Variants in ASAP1 observed in about 807,000 individuals in gnomAD.
ASAP1 encodes the protein arf-GAP with SH3 domain, ANK repeat and PH domain-containing protein 1.
ASAP1 carries 43 observed loss-of-function variants against 145.2 expected under a neutral mutation model. That is an observed-to-expected ratio of 0.30 (90% CI 0.23 to 0.38). The LOEUF is 0.38. ASAP1 is among the 10% of genes least tolerant of loss of function. The probability of loss-of-function intolerance (pLI) is 1.00; values close to 1 mark genes in which losing one functional copy is unlikely to be tolerated. For synonymous variants in ASAP1, 546 were observed against 515.5 expected (o/e 1.06, Z -0.80); for missense variants, 1,018 against 1,355.3 (o/e 0.75, Z 3.91).
intron 13 of ASAP1, among the ~76,000 whole-genome samples, chr8:130,150,026 A>T (rs1013587097): frequency 2.6e-5 from 4 of 152,240 alleles, no homozygotes; most frequent in African/African-American, 9.6e-5. Context: ...CAGTATTGTC[A>T]GCAACATCCA....
At chr8:130,083,763 C>T (rs1320536469) in intron 25 of ASAP1, 3 of 152,106 alleles carry the variant, frequency 2.0e-5, no homozygotes, top group African/African-American at 7.2e-5. Context: ...GAATGGACCC[C>T]ACCTTCTATG....
Position 130,112,248 on chromosome 8 carries a change from G to T in ASAP1, c.2247C>A (p.Asp749Glu). 6.2e-7 allele frequency: 1 copy of T among 1,614,228 alleles called. No individual in the cohort carries two copies. The part of the protein sequence containing the change: ...FCHSSSISPQ[D>E]KLALPGFSTP... ...TGCTGAATCCTGGCAGTGCCAGCTT[G>T]TCCTGGGGGGAGATGCTGGAGGAGT... Residue 749 changes from aspartate to glutamate, a missense_variant, in exon 24 of 30, where the codon GAC becomes GAA. Physicochemically the swap from Asp to Glu is conservative, Grantham distance 45. Coordinates refer to ENST00000518721, the MANE Select transcript of ASAP1 (RefSeq NM_018482.4).
intron 7 of ASAP1, among the ~76,000 whole-genome samples, chr8:130,184,590 G>C (rs1375986794): frequency 2.0e-5 from 3 of 152,184 alleles, no homozygotes; most frequent in Non-Finnish European, 4.4e-5. Context: ...TGCTACAAAG[G>C]GTACCTGGTC....
intron 3 of ASAP1, among the ~76,000 whole-genome samples, chr8:130,324,295 T>C (rs1824195121): frequency 6.6e-6 from 1 of 152,098 alleles, no homozygotes; most frequent in Non-Finnish European, 1.5e-5. Flanking sequence ...CAAAATGAAA[T>C]GAGAAGGTAA....
intron 3 of ASAP1, among the ~76,000 whole-genome samples, chr8:130,244,778 C>T (rs77272999): frequency 0.018 from 2,782 of 152,194 alleles, 42 homozygotes; most frequent in Middle Eastern, 0.044. Context: ...CCCCTGTGGG[C>T]CAGGTGCTGT....
chr8:130,187,155 A>C, intron 7 of ASAP1, 81 bp downstream of exon 7: 1 of 1,234,848 alleles, frequency 8.1e-7, no homozygotes, highest in Non-Finnish European at 1.1e-6. Context: ...TCCTTTTTCC[A>C]GTTAAGTTTT....
At chr8:130,402,070 A>C in intron 1 of ASAP1, 100 bp from the exon 2 acceptor site, 1 of 723,330 alleles carries the variant, frequency 1.4e-6, no homozygotes, top group African/African-American at 1.8e-5. Context: ...TGGAGGCTGC[A>C]CCTTTGTCAG....
At chr8:130,433,999 C>T (rs1177416992) in intron 1 of ASAP1, among the ~76,000 whole-genome samples, 1 of 152,144 alleles carries the variant, frequency 6.6e-6, no homozygotes, top group Non-Finnish European at 1.5e-5. Flanking sequence ...GTATTGAACA[C>T]AGATCGCCTT....
intron 2 of ASAP1, among the ~76,000 whole-genome samples, chr8:130,371,129 T>C (rs977828643): frequency 6.6e-6 from 1 of 152,234 alleles, no homozygotes; most frequent in Non-Finnish European, 1.5e-5. Context: ...AGAATGACGA[T>C]GATTTAGTAT....
At chr8:130,171,371 G>A (rs1269049948) in intron 9 of ASAP1, among the ~76,000 whole-genome samples, 1 of 152,148 alleles carries the variant, frequency 6.6e-6, no homozygotes, top group Non-Finnish European at 1.5e-5. Flanking sequence ...AGTTCCACAT[G>A]GCTAGGGAGA....
chr8:130,060,603 T>C lies in ASAP1; in HGVS notation c.3168A>G (p.Val1056=). The C allele has an allele frequency of 6.2e-7, 1 of 1,613,484 alleles. No individual in the cohort carries two copies. The highest frequency in any genetic ancestry group is 8.5e-7 in the Non-Finnish European group (1 of 1,179,694). The change falls in exon 28 of 30, where the codon GTA becomes GTG. Residue 1056 remains valine, a synonymous_variant. Coordinates refer to ENST00000518721, the MANE Select transcript of ASAP1 (RefSeq NM_018482.4). ...DLTPTLPETP[V]PLPRKINTGK... ...CCGTATTGATTTTTCTGGGCAGTGG[T>C]ACGGGCGTCTCTGGCAGAGTAGGCG...
chr8:130,094,827 A>C (rs2097513824), intron 24 of ASAP1, among the ~76,000 whole-genome samples: 1 of 152,234 alleles, frequency 6.6e-6, no homozygotes, highest in Admixed American at 6.5e-5. Flanking sequence ...AAATAAATGG[A>C]TAATAGATAA....
At chr8:130,173,780 A>T (rs1025114654) in intron 9 of ASAP1, among the ~76,000 whole-genome samples, 1 of 151,544 alleles carries the variant, frequency 6.6e-6, no homozygotes, top group African/African-American at 2.4e-5. Flanking sequence ...AAAGAAAAAA[A>T]AAAATAAAAA....
chr8:130,057,912 T>C (rs1592706457), intron 29 of ASAP1, 42 bp downstream of exon 29: 1 of 1,606,432 alleles, frequency 6.2e-7, no homozygotes, highest in East Asian at 2.2e-5. Context: ...CCAGGCATGC[T>C]GTATGAATGT....
At chr8:130,058,725 T>G (rs1405705545) in intron 28 of ASAP1, among the ~76,000 whole-genome samples, 2 of 152,226 alleles carry the variant, frequency 1.3e-5, no homozygotes, top group Admixed American at 1.3e-4. Context: ...TGATGGGTTT[T>G]TGTTTTGCAC....
intron 25 of ASAP1, 59 bp from the exon 26 acceptor site, chr8:130,080,030 T>A: frequency 6.7e-7 from 1 of 1,485,146 alleles, no homozygotes; most frequent in Non-Finnish European, 9.4e-7. Flanking sequence ...GCAATGAGAA[T>A]ACATGGGTTT....
rs114032035 is a variant in ASAP1, at chr8:130,060,446, C to G, written c.3192+133G>C. ...CCACAGGCTCTAATCCACCATCATG[C>G]TTGAACCAGAGCACATAAGGGTCAG... is the stretch of plus-strand genomic sequence containing the variant. On this transcript the variant is annotated intron_variant, in intron 28 of 29. Transcript: ENST00000518721. 4,944 of 1,254,572 alleles carry G rather than the reference C, an allele frequency of 3.9e-3. 178 individuals are homozygous for G. The African/African-American group carries it at 0.067, about 17-fold the overall frequency. 77.7% of individuals were successfully genotyped at this position (1,254,572 alleles called of 1,614,324 possible).
chr8:130,276,287 C>CA (rs1820877363), intron 3 of ASAP1, among the ~76,000 whole-genome samples: 2 of 152,210 alleles, frequency 1.3e-5, no homozygotes, highest in African/African-American at 4.8e-5. Context: ...TCTAAGTTCA[C>CA]AAAGTGATTC....
At chr8:130,371,826 C>A (rs1052692974) in intron 2 of ASAP1, among the ~76,000 whole-genome samples, 2 of 152,180 alleles carry the variant, frequency 1.3e-5, no homozygotes, top group Admixed American at 6.5e-5. Flanking sequence ...GGAAAACAAA[C>A]AAACAAACAT....
Sources: gnomAD v4.1 joint callset for allele counts (sites outside exome capture counted in the v4.1 genomes callset) on GRCh38, gnomAD v4.1.1 for gene constraint, MANE v1.5 for transcripts, NCBI Gene and HGNC (gene_info 2026-07-23, HGNC 2026-07-21) for gene names.